CNTN4: variants seen among roughly 807,000 people sequenced by gnomAD.
The protein encoded by CNTN4 is contactin 4.
A neutral mutation model predicts 122.5 loss-of-function variants in CNTN4; 77 were observed. The observed-to-expected ratio is 0.63, with a 90% CI of 0.52 to 0.76. The LOEUF (loss-of-function observed/expected upper bound fraction) is 0.76, where lower values mean the gene tolerates loss of function less well. Ranked by LOEUF, CNTN4 falls within the 30% of genes least tolerant of loss-of-function variation. The pLI, the probability that CNTN4 is intolerant of heterozygous loss-of-function variation, is 0.00. For missense variants in CNTN4, 1,256 were observed against 1,259.1 expected, an observed-to-expected ratio of 1.00 and a Z score of 0.04; for synonymous variants, 512 against 447.0, an observed-to-expected ratio of 1.15 and a Z score of -1.83.
chr3:3,009,585 C>T (rs1219425971), intron 14 of CNTN4, among the ~76,000 whole-genome samples: 33 of 89,674 alleles, frequency 3.7e-4, no homozygotes, highest in Admixed American at 2.4e-3. Context: ...AGGCGCCCGC[C>T]ACCACGCCCG....
chr3:2,551,501 C>T (rs541397933), intron 3 of CNTN4, among the ~76,000 whole-genome samples: 3 of 151,912 alleles, frequency 2.0e-5, no homozygotes, highest in Admixed American at 6.6e-5. Context: ...ATATGAACAC[C>T]TAAATTATGT....
chr3:2,326,516 AC>A (rs1457739080), intron 2 of CNTN4, among the ~76,000 whole-genome samples: 35 of 141,572 alleles, frequency 2.5e-4, no homozygotes, highest in African/African-American at 8.5e-4. Flanking sequence ...ACACACACAC[AC>A]ACACACACAC....
intron 4 of CNTN4, among the ~76,000 whole-genome samples, chr3:2,598,586 C>G (rs532844074): frequency 8.7e-4 from 132 of 152,186 alleles, no homozygotes; most frequent in Middle Eastern, 3.4e-3. Flanking sequence ...TGCAATAAAG[C>G]CAGTACTCTT....
At chr3:2,650,791 G>T (rs553139865) in intron 4 of CNTN4, among the ~76,000 whole-genome samples, 11 of 152,146 alleles carry the variant, frequency 7.2e-5, no homozygotes, top group Non-Finnish European at 1.2e-4. Context: ...TAATGCTATT[G>T]TACACTTATT....
At chr3:2,598,565 G>A (rs2080880621) in intron 4 of CNTN4, among the ~76,000 whole-genome samples, 1 of 152,040 alleles carries the variant, frequency 6.6e-6, no homozygotes, top group Admixed American at 6.6e-5. Context: ...TTTTTAATAT[G>A]GTACTTGAAC....
intron 6 of CNTN4, among the ~76,000 whole-genome samples, chr3:2,803,648 C>A (rs1222727771): frequency 2.0e-5 from 3 of 151,764 alleles, no homozygotes; most frequent in African/African-American, 7.3e-5. Context: ...CAACATCCGC[C>A]TCCTGGGTTC....
chr3:2,645,992 C>G (rs57913101), intron 4 of CNTN4, among the ~76,000 whole-genome samples: 2,795 of 152,226 alleles, frequency 0.018, 74 homozygotes, highest in African/African-American at 0.064. Context: ...ATACTGTAGA[C>G]AAATATTATT....
At chr3:2,287,632 G>GAGAAGGAGAAGGAGAAGAAGA (rs1559415115) in intron 2 of CNTN4, among the ~76,000 whole-genome samples, 2 of 49,478 alleles carry the variant, frequency 4.0e-5, no homozygotes, top group Non-Finnish European at 8.5e-5. Flanking sequence ...GAAGGAGAAG[G>GAGAAGGAGAAGGAGAAGAAGA]AGAAGAAGAA....
chr3:2,180,672 C>G (rs187353043), intron 2 of CNTN4, among the ~76,000 whole-genome samples: 21 of 152,154 alleles, frequency 1.4e-4, no homozygotes, highest in African/African-American at 4.8e-4. Context: ...GCAAACTTAT[C>G]TCAAGTATAG....
intron 12 of CNTN4, among the ~76,000 whole-genome samples, chr3:2,918,666 T>C (rs2151302574): frequency 6.6e-6 from 1 of 152,358 alleles, no homozygotes; most frequent in South Asian, 2.1e-4. Context: ...TTTATTTTAT[T>C]GTTTTGTTTT....
At chr3:2,628,461 T>A (rs1322027060) in intron 4 of CNTN4, among the ~76,000 whole-genome samples, 3 of 152,204 alleles carry the variant, frequency 2.0e-5, no homozygotes, top group African/African-American at 7.2e-5. Context: ...ACAGGTTTGA[T>A]TTATGAGAAT....
At chr3:2,578,456 T>C (rs186202920) in intron 4 of CNTN4, among the ~76,000 whole-genome samples, 2 of 152,334 alleles carry the variant, frequency 1.3e-5, no homozygotes, top group East Asian at 1.9e-4. Flanking sequence ...ATTTCAAGGC[T>C]TGACCTCACT....
At chr3:2,922,007 G>T (rs1320175280) in intron 12 of CNTN4, among the ~76,000 whole-genome samples, 1 of 152,162 alleles carries the variant, frequency 6.6e-6, no homozygotes. Context: ...TTCTCACATG[G>T]AGGAGGACCC....
At chr3:2,687,777 A>G (rs1247212783) in intron 4 of CNTN4, among the ~76,000 whole-genome samples, 1 of 152,308 alleles carries the variant, frequency 6.6e-6, no homozygotes, top group Admixed American at 6.5e-5. Flanking sequence ...GTTTTCATCA[A>G]GTTATTAGAG....
intron 7 of CNTN4, among the ~76,000 whole-genome samples, chr3:2,855,343 A>G (rs943638463): frequency 1.3e-5 from 2 of 152,182 alleles, no homozygotes; most frequent in African/African-American, 4.8e-5. Flanking sequence ...AATTCCACTG[A>G]TAGTCTTTGT....
intron 10 of CNTN4, 38 bp from the exon 11 acceptor site, chr3:2,900,646 CT>C: frequency 6.2e-7 from 1 of 1,606,744 alleles, no homozygotes; most frequent in Non-Finnish European, 8.5e-7. Flanking sequence ...TGAGTACACA[CT>C]GAATATACAC....
chr3:2,612,394 TAAAAAC>T lies in CNTN4; in HGVS notation c.55+40841_55+40846del, dbSNP rs565837448. ...GTTTATTGAATACTGTACAGAAACT[TAAAAAC>T]AAAATGGTTGTATGGGTATTTGAAG... On this transcript the variant is annotated intron_variant, in intron 4 of 24. Transcript: ENST00000418658. 7.7e-4 allele frequency among the ~76,000 whole-genome samples: 117 copies of T among 152,220 alleles called. 1 individual carries two copies. Among genetic ancestry groups the T allele is most frequent in the Admixed American group, 7.5e-3 (114 of 15,260 alleles).
intron 2 of CNTN4, among the ~76,000 whole-genome samples, chr3:2,307,267 C>G (rs2042744181): frequency 6.6e-6 from 1 of 152,076 alleles, no homozygotes; most frequent in Admixed American, 6.5e-5. Context: ...AACCCCGTCT[C>G]TACTAAAAAT....
chr3:2,563,395 C>A (rs1287042786), intron 3 of CNTN4, among the ~76,000 whole-genome samples: 1 of 151,984 alleles, frequency 6.6e-6, no homozygotes, highest in South Asian at 2.1e-4. Flanking sequence ...TTGTTGTTTA[C>A]CTTCAAGGTT....
Sources: allele counts gnomAD v4.1 joint callset (sites outside exome capture counted in the v4.1 genomes callset), GRCh38; gene constraint gnomAD v4.1.1; transcripts MANE v1.5; gene names NCBI Gene and HGNC (gene_info 2026-07-23, HGNC 2026-07-21).